KALRN: variants seen among roughly 807,000 people sequenced by gnomAD.
KALRN encodes the protein kalirin.
In KALRN, 70 loss-of-function variants were observed where a neutral mutation model predicts 353.7. That is an observed-to-expected ratio of 0.20 (90% CI 0.16 to 0.24). The LOEUF is 0.24. Ranked by LOEUF, KALRN falls within the 10% of genes least tolerant of loss-of-function variation. The probability of loss-of-function intolerance (pLI) is 1.00; values close to 1 mark genes in which losing one functional copy is unlikely to be tolerated. For synonymous variants in KALRN, 1,391 were observed against 1,434.8 expected (o/e 0.97, Z 0.69); for missense variants, 2,791 against 3,756.7 (o/e 0.74, Z 6.72).
At chr3:124,276,317 T>G (rs182372956) in intron 5 of KALRN, among the ~76,000 whole-genome samples, 87 of 152,292 alleles carry the variant, frequency 5.7e-4, no homozygotes, top group African/African-American at 2.1e-3. Flanking sequence ...GTTGGCCACA[T>G]TAGCATTGCA....
intron 10 of KALRN, among the ~76,000 whole-genome samples, chr3:124,358,986 C>T (rs377338026): frequency 9.8e-5 from 15 of 152,304 alleles, no homozygotes; most frequent in African/African-American, 3.4e-4. Context: ...CAGTTCCTAG[C>T]CCTCTTTCCA....
rs56867074 is a variant in KALRN at position 124,109,783 on chromosome 3, A to G, written c.73+75970A>G. ...ACTTTGATATATATATGACATATAT[A>G]TCATACTTTGATATATATATGACAT... On this transcript the variant is annotated intron_variant, in intron 1 of 59. Coordinates refer to ENST00000682506, the MANE Select transcript of KALRN (RefSeq NM_001388419.1). Among the ~76,000 whole-genome samples, 192 of 69,352 alleles carry G rather than the reference A, an allele frequency of 2.8e-3. 1 individual carries two copies. Among genetic ancestry groups the G allele is most frequent in the African/African-American group, 7.7e-3 (97 of 12,594 alleles). The allele number at this position is 69,352 out of a possible 152,430, so 45.5% of individuals were successfully genotyped here.
chr3:124,585,040 G>C, intron 34 of KALRN: 1 of 1,089,510 alleles, frequency 9.2e-7, no homozygotes, highest in African/African-American at 1.7e-5. Context: ...TCAGGAGGGC[G>C]GCGAAGTGAG....
intron 52 of KALRN, 96 bp from the exon 53 acceptor site, chr3:124,694,236 C>A: frequency 8.5e-7 from 1 of 1,171,854 alleles, no homozygotes; most frequent in Non-Finnish European, 1.3e-6. Context: ...CATTACATGA[C>A]ATGGGTGGGA....
chr3:124,438,951 C>G lies in KALRN; in HGVS notation c.3112C>G (p.Arg1038Gly), dbSNP rs763705498. The G allele has an allele frequency of 1.2e-6, 2 of 1,613,956 alleles. No individual in the cohort carries two copies. The highest frequency in any genetic ancestry group is 1.7e-5 in the Admixed American group (1 of 60,008). Residue 1038 changes from arginine to glycine, a missense_variant, in exon 18 of 60, where the codon CGA becomes GGA. Physicochemically the swap from Arg to Gly is moderately radical, Grantham distance 125 (BLOSUM62 -2). Coordinates refer to ENST00000682506, the MANE Select transcript of KALRN (RefSeq NM_001388419.1). ...YRRDEDWCGGRDKLGPAAEID... is the reference protein window; with the variant it reads ...YRRDEDWCGGGDKLGPAAEID... ...GAGAGATGAGGACTGGTGTGGTGGA[C>G]GAGATAAGCTGGGGCCAGCAGCAGA...
chr3:124,226,657 G>A (rs1442732904), intron 1 of KALRN, among the ~76,000 whole-genome samples: 3 of 152,164 alleles, frequency 2.0e-5, no homozygotes, highest in Non-Finnish European at 4.4e-5. Flanking sequence ...GTGTGCAGTT[G>A]GCCCACTTCA....
At chr3:124,548,593 A>C (rs141776373) in intron 33 of KALRN, among the ~76,000 whole-genome samples, 2 of 152,354 alleles carry the variant, frequency 1.3e-5, no homozygotes, top group East Asian at 3.9e-4. Flanking sequence ...TGGCTCAATC[A>C]CACCAAATAA....
intron 57 of KALRN, among the ~76,000 whole-genome samples, chr3:124,708,878 G>A (rs2062761684): frequency 1.3e-5 from 2 of 151,720 alleles, no homozygotes; most frequent in African/African-American, 4.8e-5. Flanking sequence ...AGAAACAAGA[G>A]AAAAAAACAA....
intron 11 of KALRN, among the ~76,000 whole-genome samples, chr3:124,391,948 A>G (rs893327933): frequency 2.0e-5 from 3 of 152,216 alleles, no homozygotes; most frequent in African/African-American, 4.8e-5. Flanking sequence ...ACCAAATTCA[A>G]TGTTGATCTT....
At chr3:124,684,091 A>G (rs1427299820) in intron 51 of KALRN, among the ~76,000 whole-genome samples, 1 of 152,156 alleles carries the variant, frequency 6.6e-6, no homozygotes, top group African/African-American at 2.4e-5. Flanking sequence ...TCGCAAACAG[A>G]AATTCTTTAG....
chr3:124,632,352 T>A, intron 34 of KALRN, 68 bp from the exon 35 acceptor site: 1 of 1,485,250 alleles, frequency 6.7e-7, no homozygotes, highest in Non-Finnish European at 9.3e-7. Flanking sequence ...GATGGAGCTG[T>A]CTCAGTCCCA....
At chr3:124,105,038 A>T (rs776886924) in intron 1 of KALRN, among the ~76,000 whole-genome samples, 4 of 152,204 alleles carry the variant, frequency 2.6e-5, no homozygotes, top group Non-Finnish European at 4.4e-5. Flanking sequence ...GGTGCTGGTC[A>T]TGTTCTTTAA....
chr3:124,705,256 A>G (rs1198977539), intron 57 of KALRN, among the ~76,000 whole-genome samples: 1 of 152,186 alleles, frequency 6.6e-6, no homozygotes, highest in Non-Finnish European at 1.5e-5. Context: ...CCTAAACTTC[A>G]TTGAAACTAT....
At chr3:124,682,432 C>CCCTGTG (rs1320546570) in intron 51 of KALRN, among the ~76,000 whole-genome samples, 1 of 152,196 alleles carries the variant, frequency 6.6e-6, no homozygotes, top group African/African-American at 2.4e-5. Context: ...GGACCATGCA[C>CCCTGTG]CCTGTGTGTT....
At chr3:124,187,794 A>C (rs2074410535) in intron 1 of KALRN, among the ~76,000 whole-genome samples, 1 of 152,202 alleles carries the variant, frequency 6.6e-6, no homozygotes, top group African/African-American at 2.4e-5. Context: ...GAGAGTTACC[A>C]GGTGGGGAGA....
intron 33 of KALRN, among the ~76,000 whole-genome samples, chr3:124,557,207 G>A (rs1352094279): frequency 1.3e-5 from 2 of 152,134 alleles, no homozygotes; most frequent in Admixed American, 1.3e-4. Flanking sequence ...CCAATAGGTA[G>A]CTTTTTAACC....
intron 34 of KALRN, among the ~76,000 whole-genome samples, chr3:124,565,777 G>A (rs1995321): frequency 0.37 from 56,776 of 152,034 alleles, 11,236 homozygotes; most frequent in African/African-American, 0.51. Flanking sequence ...GTGCAACTTC[G>A]CAGGAGCAAA....
intron 1 of KALRN, among the ~76,000 whole-genome samples, chr3:124,148,754 T>G (rs2067697752): frequency 6.6e-6 from 1 of 152,154 alleles, no homozygotes; most frequent in South Asian, 2.1e-4. Flanking sequence ...GGTTCTTAAA[T>G]TAGGCCACCT....
intron 1 of KALRN, among the ~76,000 whole-genome samples, chr3:124,122,786 A>G (rs984269515): frequency 1.3e-5 from 2 of 152,154 alleles, no homozygotes; most frequent in Non-Finnish European, 2.9e-5. Context: ...ATAATATTGA[A>G]ATTAGGCCAA....
Sources: allele counts gnomAD v4.1 joint callset (sites outside exome capture counted in the v4.1 genomes callset), GRCh38; gene constraint gnomAD v4.1.1; transcripts MANE v1.5; gene names NCBI Gene and HGNC (gene_info 2026-07-23, HGNC 2026-07-21).